The following LGR6 variants were observed in gnomAD, a reference collection of about 807,000 sequenced individuals.
LGR6 encodes leucine-rich repeat-containing G protein-coupled receptor 6.
A neutral mutation model predicts 69.4 loss-of-function variants in LGR6; 45 were observed. The ratio of observed to expected loss-of-function variants is 0.65; its 90% CI spans 0.51 to 0.83. LGR6 has a LOEUF of 0.83. Ranked by LOEUF, LGR6 falls within the 40% of genes least tolerant of loss-of-function variation. The pLI is 0.00. For synonymous variants in LGR6, 538 were observed against 555.0 expected (o/e 0.97, Z 0.43); for missense variants, 1,108 against 1,246.7 (o/e 0.89, Z 1.68).
In LGR6 at chr1:202,304,572, G is replaced by C. The variant is rs767983891; in HGVS notation, c.1012G>C (p.Ala338Pro). The C allele has an allele frequency of 6.2e-7, 1 of 1,609,196 alleles. No homozygotes were observed. Among genetic ancestry groups the C allele is most frequent in the Non-Finnish European group, 8.5e-7 (1 of 1,176,384 alleles). Residue 338 changes from alanine to proline, a missense_variant, in exon 11 of 18, where the codon GCA becomes CCA. By Grantham distance (27) the Ala-to-Pro change is conservative (BLOSUM62 -1). Transcript: ENST00000367278. ...TSLEILTLTRAGIRLLPSGMC... is the reference protein window; with the variant it reads ...TSLEILTLTRPGIRLLPSGMC... ...TTCTCCCTGCAGGACCCTGACCCGC[G>C]CAGGCATCCGGCTGCTCCCATCGGG...
chr1:202,263,512 A>C (rs1664402929), intron 4 of LGR6, among the ~76,000 whole-genome samples: 1 of 152,120 alleles, frequency 6.6e-6, no homozygotes, highest in Non-Finnish European at 1.5e-5. Context: ...CTCCATTTTA[A>C]CTGGAAACAA....
At chr1:202,227,241 T>C (rs958002398) in intron 2 of LGR6, among the ~76,000 whole-genome samples, 9 of 152,226 alleles carry the variant, frequency 5.9e-5, no homozygotes, top group African/African-American at 1.9e-4. Flanking sequence ...TAGGAACTGA[T>C]GCACAAAATA....
chr1:202,297,446 C>G, intron 6 of LGR6, 62 bp from the exon 7 acceptor site: 1 of 1,388,552 alleles, frequency 7.2e-7, no homozygotes, highest in Non-Finnish European at 1.0e-6. Context: ...TTCCATTTCT[C>G]AGGGACCCTG....
chr1:202,236,421 G>C (rs769537836), intron 4 of LGR6: 1 of 189,108 alleles, frequency 5.3e-6, no homozygotes, highest in Non-Finnish European at 1.1e-5. Flanking sequence ...AAGGAGGCTA[G>C]GCTCAGATAC....
At chr1:202,290,500 C>T (rs1418945843) in intron 6 of LGR6, among the ~76,000 whole-genome samples, 1 of 152,186 alleles carries the variant, frequency 6.6e-6, no homozygotes, top group Non-Finnish European at 1.5e-5. Flanking sequence ...AACCAGGAGC[C>T]AAGAGGCCTG....
At position 202,194,499 on chromosome 1, in the gene LGR6, G is replaced by C. The variant is rs142649219; in HGVS notation, c.212+298G>C. ...GGTGGGTTCTGGACCCTGAGCGGGA[G>C]GGCGCGGGGCTGGCTGCTCCATCTC... On this transcript the variant is annotated intron_variant, in intron 1 of 17. Coordinates refer to ENST00000367278, the MANE Select transcript of LGR6 (RefSeq NM_001017403.2). 343 of 658,738 alleles carry C rather than the reference G, an allele frequency of 5.2e-4. 1 individual carries two copies. In the African/African-American group the frequency reaches 5.2e-3, roughly 10 times the overall value. The allele number at this position is 658,738 out of a possible 1,614,324, so 40.8% of individuals were successfully genotyped here.
chr1:202,249,081 C>G (rs1451699193), intron 4 of LGR6, among the ~76,000 whole-genome samples: 1 of 152,160 alleles, frequency 6.6e-6, no homozygotes, highest in East Asian at 1.9e-4. Flanking sequence ...GCCACCAGTA[C>G]CACTCACCGA....
intron 1 of LGR6, among the ~76,000 whole-genome samples, chr1:202,198,000 G>A (rs1658704094): frequency 2.0e-5 from 3 of 152,226 alleles, no homozygotes; most frequent in Non-Finnish European, 2.9e-5. Flanking sequence ...CACCAGGGCT[G>A]AGGGAGGGGC....
intron 1 of LGR6, among the ~76,000 whole-genome samples, chr1:202,204,463 CCA>C (rs1658981092): frequency 3.5e-5 from 3 of 86,506 alleles, no homozygotes; most frequent in East Asian, 4.7e-4. Flanking sequence ...ACACACACCT[CCA>C]CACACACACC....
At chr1:202,210,478 G>A (rs1659422049) in intron 1 of LGR6, among the ~76,000 whole-genome samples, 1 of 151,050 alleles carries the variant, frequency 6.6e-6, no homozygotes, top group Non-Finnish European at 1.5e-5. Context: ...GGACCTATTT[G>A]AGAGAGAGGG....
At chr1:202,285,446 T>G (rs1226639078) in intron 6 of LGR6, among the ~76,000 whole-genome samples, 3 of 152,236 alleles carry the variant, frequency 2.0e-5, no homozygotes, top group African/African-American at 7.2e-5. Flanking sequence ...CACCAGCATG[T>G]GACAGGTGCA....
chr1:202,244,528 C>T (rs924649640), intron 4 of LGR6, among the ~76,000 whole-genome samples: 2 of 152,072 alleles, frequency 1.3e-5, no homozygotes, highest in African/African-American at 4.8e-5. Flanking sequence ...CAGCTGCTGG[C>T]GTTCCTTGTG....
intron 1 of LGR6, among the ~76,000 whole-genome samples, chr1:202,200,486 G>A (rs59280710): frequency 0.027 from 4,088 of 152,254 alleles, 178 homozygotes; most frequent in African/African-American, 0.091. Context: ...GTCACTATTG[G>A]GAGCAGGGCC....
chr1:202,270,967 C>T (rs183864052), intron 4 of LGR6, among the ~76,000 whole-genome samples: 33 of 152,292 alleles, frequency 2.2e-4, no homozygotes, highest in African/African-American at 7.5e-4. Flanking sequence ...GCTGTTTCCC[C>T]AGAGCCTAAG....
At chr1:202,305,319 A>G (rs1412335548) in intron 11 of LGR6, among the ~76,000 whole-genome samples, 1 of 152,100 alleles carries the variant, frequency 6.6e-6, no homozygotes, top group African/African-American at 2.4e-5. Flanking sequence ...AGCTCCATAA[A>G]TGGTGACTGC....
chr1:202,299,686 G>A (rs1351154479), intron 7 of LGR6, among the ~76,000 whole-genome samples: 2 of 152,180 alleles, frequency 1.3e-5, no homozygotes, highest in East Asian at 3.8e-4. Context: ...GCCTGGGTGG[G>A]TGGCACTGGC....
intron 4 of LGR6, among the ~76,000 whole-genome samples, chr1:202,260,611 C>T (rs1246357049): frequency 6.6e-6 from 1 of 152,250 alleles, no homozygotes; most frequent in Non-Finnish European, 1.5e-5. Flanking sequence ...AGCCACCGTG[C>T]TCTGCCAAAT....
intron 1 of LGR6, among the ~76,000 whole-genome samples, chr1:202,201,357 C>T (rs769684847): frequency 2.0e-5 from 3 of 152,180 alleles, no homozygotes; most frequent in Non-Finnish European, 4.4e-5. Flanking sequence ...CTTCCTTTAC[C>T]AATAATAGTA....
intron 1 of LGR6, among the ~76,000 whole-genome samples, chr1:202,209,466 C>T (rs1256751473): frequency 6.6e-6 from 1 of 152,188 alleles, no homozygotes; most frequent in Non-Finnish European, 1.5e-5. Flanking sequence ...TGCCCCTTGC[C>T]CCAGTGGCCC....
Sources: gnomAD v4.1 joint callset for allele counts (sites outside exome capture counted in the v4.1 genomes callset) on GRCh38, gnomAD v4.1.1 for gene constraint, MANE v1.5 for transcripts, NCBI Gene and HGNC (gene_info 2026-07-23, HGNC 2026-07-21) for gene names.